Variants in SPIDR observed in about 807,000 individuals in gnomAD.
SPIDR encodes scaffold protein involved in DNA repair.
A neutral mutation model predicts 104.6 loss-of-function variants in SPIDR; 93 were observed. The ratio of observed to expected loss-of-function variants is 0.89; its 90% CI spans 0.75 to 1.06. The LOEUF (loss-of-function observed/expected upper bound fraction) is 1.06. Ranked by LOEUF, SPIDR falls within the 50% of genes least tolerant of loss-of-function variation. The pLI is 0.00. For missense variants in SPIDR, 1,154 were observed against 1,111.2 expected, an observed-to-expected ratio of 1.04 and a Z score of -0.55; for synonymous variants, 431 against 416.9, an observed-to-expected ratio of 1.03 and a Z score of -0.41.
At chr8:47,399,600 T>C (rs2061615738) in intron 6 of SPIDR, among the ~76,000 whole-genome samples, 1 of 152,082 alleles carries the variant, frequency 6.6e-6, no homozygotes, top group South Asian at 2.1e-4. Flanking sequence ...TCAGGCCCTG[T>C]TGGGAAGTCG....
At chr8:47,491,542 T>C (rs2078713356) in intron 8 of SPIDR, among the ~76,000 whole-genome samples, 2 of 150,512 alleles carry the variant, frequency 1.3e-5, no homozygotes, top group South Asian at 2.1e-4. Flanking sequence ...AAAAAAAAAA[T>C]GTTGAGGCAG....
At chr8:47,355,034 C>T (rs1700939622) in intron 5 of SPIDR, among the ~76,000 whole-genome samples, 1 of 152,032 alleles carries the variant, frequency 6.6e-6, no homozygotes. Flanking sequence ...CGGCTCACTG[C>T]AACCTCTGCT....
intron 8 of SPIDR, among the ~76,000 whole-genome samples, chr8:47,531,074 AT>A (rs2085911511): frequency 6.6e-6 from 1 of 151,986 alleles, no homozygotes; most frequent in Non-Finnish European, 1.5e-5. Context: ...ATGCCCAGCT[AT>A]TTTTTAAAAA....
At chr8:47,566,889 A>T (rs1235967834) in intron 8 of SPIDR, among the ~76,000 whole-genome samples, 2 of 151,610 alleles carry the variant, frequency 1.3e-5, no homozygotes, top group African/African-American at 4.9e-5. Context: ...TGTAGATGTG[A>T]TACTGTGGAA....
chr8:47,593,883 G>C (rs1486261115), intron 8 of SPIDR, among the ~76,000 whole-genome samples: 1 of 152,138 alleles, frequency 6.6e-6, no homozygotes, highest in East Asian at 1.9e-4. Context: ...TAGGAGGGAA[G>C]GGTGGCCTCA....
intron 8 of SPIDR, among the ~76,000 whole-genome samples, chr8:47,541,292 A>T (rs2088073809): frequency 6.6e-6 from 1 of 152,224 alleles, no homozygotes; most frequent in South Asian, 2.1e-4. Context: ...CAGGTGAGGA[A>T]ACTTGCTCAT....
At chr8:47,358,244 G>A (rs184867907) in intron 5 of SPIDR, among the ~76,000 whole-genome samples, 2 of 151,650 alleles carry the variant, frequency 1.3e-5, no homozygotes, top group East Asian at 1.9e-4. Context: ...GCACACCACC[G>A]TAGCTAATTT....
intron 5 of SPIDR, among the ~76,000 whole-genome samples, chr8:47,307,309 C>T (rs2154251912): frequency 6.6e-6 from 1 of 151,380 alleles, no homozygotes; most frequent in South Asian, 2.1e-4. Context: ...CAACCTCTGC[C>T]TCCTGGGTTC....
At chr8:47,678,523 A>G (rs981729824) in intron 11 of SPIDR, among the ~76,000 whole-genome samples, 1 of 152,194 alleles carries the variant, frequency 6.6e-6, no homozygotes, top group Non-Finnish European at 1.5e-5. Context: ...GGGGAGACTC[A>G]GAAGGATAGC....
At chr8:47,376,552 C>G (rs565431908) in intron 5 of SPIDR, among the ~76,000 whole-genome samples, 2 of 152,282 alleles carry the variant, frequency 1.3e-5, no homozygotes, top group East Asian at 3.9e-4. Flanking sequence ...TTAGAAAACC[C>G]ATACAGGGCA....
At position 47,466,453 on chromosome 8, in the gene SPIDR, C is replaced by T. The variant is rs117662367; in HGVS notation, c.1097+25911C>T. On this transcript the variant is annotated intron_variant, in intron 8 of 19. Coordinates refer to ENST00000297423, the MANE Select transcript of SPIDR (RefSeq NM_001080394.4). ...TAAATAATAAAATTAGAGCTGAAAT[C>T]AAGAAGTTCTTTGAAACTAGTGAGA... is the stretch of plus-strand genomic sequence containing the variant. Among the ~76,000 whole-genome samples the T allele has an allele frequency of 4.0e-3, 607 of 152,232 alleles. 24 individuals are homozygous for T. The East Asian group carries it at 0.047, about 12-fold the overall frequency.
At chr8:47,391,763 A>G (rs1021975412) in intron 5 of SPIDR, among the ~76,000 whole-genome samples, 104 of 151,774 alleles carry the variant, frequency 6.9e-4, no homozygotes, top group African/African-American at 2.0e-3. Context: ...TTGGGAGGCC[A>G]AGGCGGGCGG....
intron 5 of SPIDR, among the ~76,000 whole-genome samples, chr8:47,315,186 A>C (rs1294236102): frequency 6.6e-6 from 1 of 152,192 alleles, no homozygotes; most frequent in African/African-American, 2.4e-5. Context: ...AGAATATAGA[A>C]GATCTGTAAA....
At chr8:47,650,558 T>C (rs753466757) in intron 10 of SPIDR, among the ~76,000 whole-genome samples, 2 of 152,112 alleles carry the variant, frequency 1.3e-5, no homozygotes, top group Non-Finnish European at 2.9e-5. Flanking sequence ...TTTAATGCAA[T>C]TCCTATCAAA....
At chr8:47,512,965 T>C (rs1351291773) in intron 8 of SPIDR, among the ~76,000 whole-genome samples, 1 of 152,256 alleles carries the variant, frequency 6.6e-6, no homozygotes, top group African/African-American at 2.4e-5. Context: ...ATTTTAACTA[T>C]GAAAGCAGCT....
At chr8:47,488,545 CAAAA>C (rs797025098) in intron 8 of SPIDR, among the ~76,000 whole-genome samples, 13 of 151,948 alleles carry the variant, frequency 8.6e-5, no homozygotes, top group Admixed American at 5.9e-4. Flanking sequence ...CAGAGACACA[CAAAA>C]AAAGACAATT....
intron 7 of SPIDR, among the ~76,000 whole-genome samples, chr8:47,424,126 GC>G (rs1554682980): frequency 6.6e-6 from 1 of 152,136 alleles, no homozygotes; most frequent in Non-Finnish European, 1.5e-5. Context: ...TAACTTGGTG[GC>G]CCATGTTCAT....
intron 8 of SPIDR, among the ~76,000 whole-genome samples, chr8:47,580,080 A>AT (rs2059556761): frequency 6.6e-6 from 1 of 152,238 alleles, no homozygotes; most frequent in Admixed American, 6.5e-5. Context: ...GACTAAGAGC[A>AT]TAGCAAGTGA....
intron 7 of SPIDR, among the ~76,000 whole-genome samples, chr8:47,435,255 C>T (rs1474498709): frequency 6.6e-6 from 1 of 152,084 alleles, no homozygotes; most frequent in Non-Finnish European, 1.5e-5. Context: ...CTCAAGCTGT[C>T]CTCCCGCCCT....
Sources: allele counts gnomAD v4.1 joint callset (sites outside exome capture counted in the v4.1 genomes callset), GRCh38; gene constraint gnomAD v4.1.1; transcripts MANE v1.5; gene names NCBI Gene and HGNC (gene_info 2026-07-23, HGNC 2026-07-21).